The following EPB41L4A variants were observed in gnomAD, a reference collection of about 807,000 sequenced individuals.
EPB41L4A encodes erythrocyte membrane protein band 4.1 like 4A.
In EPB41L4A, 100 loss-of-function variants were observed where a neutral mutation model predicts 108.6. The observed-to-expected ratio is 0.92, with a 90% CI of 0.78 to 1.09. The LOEUF (loss-of-function observed/expected upper bound fraction) is 1.09, where lower values mean the gene tolerates loss of function less well. EPB41L4A is among the 50% of genes least tolerant of loss of function. EPB41L4A has a pLI of 0.00. For synonymous variants in EPB41L4A, 319 were observed against 289.0 expected, an observed-to-expected ratio of 1.10 and a Z score of -1.05; for missense variants, 1,030 against 842.7, an observed-to-expected ratio of 1.22 and a Z score of -2.75.
chr5:112,207,510 T>A (rs1762528887), intron 13 of EPB41L4A, among the ~76,000 whole-genome samples: 1 of 152,082 alleles, frequency 6.6e-6, no homozygotes, highest in Non-Finnish European at 1.5e-5. Flanking sequence ...GAGAAAATAT[T>A]CACAAACTAT....
intron 6 of EPB41L4A, among the ~76,000 whole-genome samples, chr5:112,262,818 C>A (rs746556330): frequency 3.3e-5 from 5 of 152,140 alleles, no homozygotes; most frequent in Non-Finnish European, 7.3e-5. Flanking sequence ...TAGCCTATCC[C>A]CAATGTCCCA....
intron 17 of EPB41L4A, among the ~76,000 whole-genome samples, chr5:112,192,620 AG>A (rs887390576): frequency 1.6e-4 from 24 of 152,210 alleles, no homozygotes; most frequent in African/African-American, 5.5e-4. Flanking sequence ...TCCAGGAAAA[AG>A]GGGGAAGAAA....
chr5:112,304,297 G>C (rs1361453567), intron 2 of EPB41L4A, among the ~76,000 whole-genome samples: 1 of 152,136 alleles, frequency 6.6e-6, no homozygotes, highest in Non-Finnish European at 1.5e-5. Context: ...TGCCTTTCAA[G>C]GAGTAATCTG....
At chr5:112,371,006 T>A in intron 1 of EPB41L4A, among the ~76,000 whole-genome samples, 1 of 152,302 alleles carries the variant, frequency 6.6e-6, no homozygotes, top group Middle Eastern at 3.4e-3. Flanking sequence ...ATAACCTCAC[T>A]CATTCGTGCA....
At chr5:112,340,328 C>T (rs1221851569) in intron 1 of EPB41L4A, among the ~76,000 whole-genome samples, 4 of 152,168 alleles carry the variant, frequency 2.6e-5, no homozygotes, top group South Asian at 4.1e-4. Context: ...GCTCCACCCC[C>T]GGAGCTCCTA....
chr5:112,366,355 A>G (rs2112513938), intron 1 of EPB41L4A, among the ~76,000 whole-genome samples: 1 of 152,282 alleles, frequency 6.6e-6, no homozygotes, highest in Non-Finnish European at 1.5e-5. Context: ...AAACAGCATT[A>G]CCAGCAAAGC....
Position 112,168,911 on chromosome 5 carries a change from A to G in EPB41L4A, c.1850+84T>C, listed in dbSNP as rs577849317. 209 of 1,490,288 alleles carry G rather than the reference A, an allele frequency of 1.4e-4. No homozygotes were observed. The African/African-American group carries it at 2.7e-3, about 19-fold the overall frequency. 92.3% of individuals were successfully genotyped at this position (1,490,288 alleles called of 1,614,324 possible). ...GAGAACTACAGTGTAGATATAAAACATTTCCATCAGCAAGTAAAGTTCTTT... is the reference window on the plus strand; with the variant it reads ...GAGAACTACAGTGTAGATATAAAACGTTTCCATCAGCAAGTAAAGTTCTTT... On this transcript the variant is annotated intron_variant, in intron 21 of 22. Coordinates refer to ENST00000261486, the MANE Select transcript of EPB41L4A (RefSeq NM_022140.5).
chr5:112,195,835 T>C, intron 15 of EPB41L4A, 127 bp from the exon 16 acceptor site: 1 of 783,362 alleles, frequency 1.3e-6, no homozygotes, highest in Non-Finnish European at 2.1e-6. Flanking sequence ...GCCAAACATT[T>C]ACGTCATATG....
In EPB41L4A at chr5:112,165,057, A is replaced by G; in HGVS notation, c.1994T>C (p.Leu665Pro). 3 of 1,613,946 alleles carry G rather than the reference A, an allele frequency of 1.9e-6. No individual in the cohort carries two copies. The highest frequency in any genetic ancestry group is 2.5e-6 in the Non-Finnish European group (3 of 1,179,910). The change falls in exon 23 of 23, where the codon CTG becomes CCG. Residue 665 changes from leucine (L) to proline (P), a missense_variant. Transcript: ENST00000261486. Reference sequence around the variant, plus strand: ...TGTTTTTGCTGTGTGTTTTCCAGCCAGGTTGTTTGTAGATGTCTGAGGTTT... The same window carrying G: ...TGTTTTTGCTGTGTGTTTTCCAGCCGGGTTGTTTGTAGATGTCTGAGGTTT... ...EEKPQTSTNN[L>P]AGKHTAKTIK...
At chr5:112,292,370 C>T (rs537606920) in intron 2 of EPB41L4A, among the ~76,000 whole-genome samples, 1 of 152,280 alleles carries the variant, frequency 6.6e-6, no homozygotes, top group South Asian at 2.1e-4. Context: ...GCCTCCAATA[C>T]TGATGGGTAT....
At chr5:112,281,056 G>C (rs1026220490) in intron 2 of EPB41L4A, among the ~76,000 whole-genome samples, 97 of 152,154 alleles carry the variant, frequency 6.4e-4, no homozygotes, top group African/African-American at 2.3e-3. Context: ...CTCTCCCCAT[G>C]TCATTGCCAT....
intron 1 of EPB41L4A, among the ~76,000 whole-genome samples, chr5:112,373,378 A>G (rs1326111127): frequency 6.6e-6 from 1 of 152,140 alleles, no homozygotes. Flanking sequence ...TTCCCTTCCC[A>G]CTGCCAGCAC....
chr5:112,234,782 A>G (rs1313721467), intron 11 of EPB41L4A, 27 bp from the exon 12 acceptor site: 1 of 1,603,182 alleles, frequency 6.2e-7, no homozygotes, highest in Non-Finnish European at 8.5e-7. Context: ...TTTGATTAGC[A>G]AAGGTAAAAC....
chr5:112,311,562 T>G (rs1034448913), intron 1 of EPB41L4A, among the ~76,000 whole-genome samples: 1 of 152,190 alleles, frequency 6.6e-6, no homozygotes, highest in Non-Finnish European at 1.5e-5. Context: ...CCTTTCGTAG[T>G]TCTTTTGCTC....
chr5:112,158,074 T>C (rs114152591), downstream of EPB41L4A, among the ~76,000 whole-genome samples: 286 of 152,350 alleles, frequency 1.9e-3, 1 homozygote, highest in African/African-American at 6.3e-3. Context: ...TCCTAAAACC[T>C]AACACTGATC....
At chr5:112,407,882 T>G (rs1241825223) in intron 1 of EPB41L4A, among the ~76,000 whole-genome samples, 1 of 152,214 alleles carries the variant, frequency 6.6e-6, no homozygotes, top group Non-Finnish European at 1.5e-5. Context: ...TGGCATTCTT[T>G]TAGGTTCTTG....
chr5:112,274,114 C>CA lies in EPB41L4A; in HGVS notation c.335+1211dup, dbSNP rs111476984. 3.7e-3 allele frequency among the ~76,000 whole-genome samples: 497 copies of CA among 132,594 alleles called. 2 individuals are homozygous for CA. Among genetic ancestry groups the CA allele is most frequent in the Middle Eastern group, 0.012 (3 of 258 alleles). 87.0% of individuals were successfully genotyped at this position (132,594 alleles called of 152,430 possible). A position where few individuals can be genotyped will look rare whatever the true frequency, so the allele number is the denominator to read the frequency against. On this transcript the variant is annotated intron_variant, in intron 4 of 22. Transcript: ENST00000261486. ...GATCAGCCTGGCCAACATAACAAGA[C>CA]AAAAAAAAAAAAAGTATTAGCTAGG...
In EPB41L4A at chr5:112,266,583, G is replaced by C. The variant is rs78551981; in HGVS notation, c.336-253C>G. 9.3e-3 allele frequency among the ~76,000 whole-genome samples: 1,423 copies of C among 152,288 alleles called. 7 individuals carry two copies. Among genetic ancestry groups the C allele is most frequent in the African/African-American group, 0.014 (565 of 41,564 alleles). On this transcript the variant is annotated intron_variant, in intron 4 of 22. Transcript: ENST00000261486. The stretch of plus-strand genomic sequence containing the variant: ...GCTTACTTCCCAGCCCCAGCATTCA[G>C]TACCTCTGTAGCCTTAGGCTGCTGC...
intron 18 of EPB41L4A, 123 bp downstream of exon 18, chr5:112,183,892 TA>T: frequency 8.1e-7 from 1 of 1,230,200 alleles, no homozygotes; most frequent in Non-Finnish European, 1.1e-6. Flanking sequence ...TATTAGAAGG[TA>T]AATATGACAA....
Sources: allele counts gnomAD v4.1 joint callset (sites outside exome capture counted in the v4.1 genomes callset), GRCh38; gene constraint gnomAD v4.1.1; transcripts MANE v1.5; gene names NCBI Gene and HGNC (gene_info 2026-07-23, HGNC 2026-07-21).